TIAM1: variants seen among roughly 807,000 people sequenced by gnomAD.
The protein encoded by TIAM1 is rho guanine nucleotide exchange factor TIAM1.
A neutral mutation model predicts 163.5 loss-of-function variants in TIAM1; 65 were observed. The observed-to-expected ratio is 0.40, with a 90% CI of 0.33 to 0.49. TIAM1 has a LOEUF of 0.49. TIAM1 is among the 20% of genes least tolerant of loss of function. The probability of loss-of-function intolerance (pLI) is 0.77; values close to 1 mark genes in which losing one functional copy is unlikely to be tolerated. For missense variants in TIAM1, 1,789 were observed against 2,044.7 expected, an observed-to-expected ratio of 0.87 and a Z score of 2.41; for synonymous variants, 833 against 810.1, an observed-to-expected ratio of 1.03 and a Z score of -0.48.
chr21:31,262,374 A>G (rs1264949202), intron 4 of TIAM1, among the ~76,000 whole-genome samples: 1 of 152,216 alleles, frequency 6.6e-6, no homozygotes, highest in Non-Finnish European at 1.5e-5. Context: ...TTCAGGCCCA[A>G]AGACGAACTA....
chr21:31,346,320 AAAC>A (rs1338467862), upstream of TIAM1, among the ~76,000 whole-genome samples: 1 of 152,224 alleles, frequency 6.6e-6, no homozygotes, highest in Non-Finnish European at 1.5e-5. Context: ...GAAAAACATG[AAAC>A]AACACTTCTC....
chr21:31,356,645 A>G (rs1258743887), intron 2 of TIAM1, among the ~76,000 whole-genome samples: 2 of 152,228 alleles, frequency 1.3e-5, no homozygotes, highest in African/African-American at 2.4e-5. Context: ...GCCCCTCACT[A>G]AACACTCAAT....
chr21:31,467,005 G>C (rs1245557524), intron 1 of TIAM1, among the ~76,000 whole-genome samples: 1 of 151,180 alleles, frequency 6.6e-6, no homozygotes, highest in Non-Finnish European at 1.5e-5. Context: ...TAAAAGACTG[G>C]ATTTAAAAGC....
At chr21:31,438,244 T>A (rs1442523068) in intron 2 of TIAM1, among the ~76,000 whole-genome samples, 1 of 131,990 alleles carries the variant, frequency 7.6e-6, no homozygotes, top group African/African-American at 3.0e-5. Flanking sequence ...CAGACTGGAG[T>A]GCAGTGGCAT....
intron 2 of TIAM1, among the ~76,000 whole-genome samples, chr21:31,419,678 G>T (rs1286782435): frequency 6.6e-6 from 1 of 152,154 alleles, no homozygotes; most frequent in African/African-American, 2.4e-5. Flanking sequence ...TACACACAAA[G>T]AAGTTAATAC....
chr21:31,400,585 T>C (rs1410720608), intron 2 of TIAM1, among the ~76,000 whole-genome samples: 1 of 152,194 alleles, frequency 6.6e-6, no homozygotes, highest in Non-Finnish European at 1.5e-5. Flanking sequence ...TGGAATCCTC[T>C]CAACGACATG....
At chr21:31,165,374 A>G (rs976816534) in intron 15 of TIAM1, among the ~76,000 whole-genome samples, 1 of 152,122 alleles carries the variant, frequency 6.6e-6, no homozygotes, top group African/African-American at 2.4e-5. Context: ...TAGAAGAGGG[A>G]TGTTTGGGAA....
chr21:31,208,007 G>C (rs1342981405), intron 11 of TIAM1, among the ~76,000 whole-genome samples: 1 of 152,210 alleles, frequency 6.6e-6, no homozygotes, highest in Non-Finnish European at 1.5e-5. Flanking sequence ...TTTACTGTTG[G>C]AGAAAGGGAT....
At chr21:31,435,665 C>T (rs562696783) in intron 2 of TIAM1, among the ~76,000 whole-genome samples, 4 of 152,288 alleles carry the variant, frequency 2.6e-5, no homozygotes, top group Admixed American at 6.5e-5. Flanking sequence ...TTCTACACTG[C>T]CATCAAGATC....
chr21:31,241,082 G>A (rs2071149548), intron 6 of TIAM1, among the ~76,000 whole-genome samples: 1 of 152,066 alleles, frequency 6.6e-6, no homozygotes, highest in Non-Finnish European at 1.5e-5. Flanking sequence ...AGAAGACTTT[G>A]CTCCTCCTTT....
At chr21:31,124,333 G>C (rs557424641) in intron 27 of TIAM1, 189 bp downstream of exon 27, 1 of 651,254 alleles carries the variant, frequency 1.5e-6, no homozygotes, top group East Asian at 3.3e-5. Flanking sequence ...GTAGATACAG[G>C]GCGGATCCCC....
intron 4 of TIAM1, among the ~76,000 whole-genome samples, chr21:31,262,058 T>C (rs1360702036): frequency 1.3e-5 from 2 of 152,110 alleles, no homozygotes; most frequent in South Asian, 2.1e-4. Flanking sequence ...TCTCTCTCTC[T>C]CCAACTCACC....
chr21:31,187,439 C>G (rs2085355728), intron 13 of TIAM1, among the ~76,000 whole-genome samples: 1 of 152,116 alleles, frequency 6.6e-6, no homozygotes, highest in African/African-American at 2.4e-5. Context: ...CCTCAAAGTC[C>G]CCAGACGTTT....
At chr21:31,381,649 C>A (rs955352382) in intron 2 of TIAM1, among the ~76,000 whole-genome samples, 1 of 152,110 alleles carries the variant, frequency 6.6e-6, no homozygotes, top group Non-Finnish European at 1.5e-5. Flanking sequence ...GCCTGGGCAA[C>A]AGAGTGAGAC....
intron 2 of TIAM1, among the ~76,000 whole-genome samples, chr21:31,449,100 G>T (rs1260108553): frequency 1.3e-5 from 2 of 152,032 alleles, no homozygotes; most frequent in African/African-American, 4.8e-5. Context: ...GAGTAGCTGG[G>T]ACTACAGGCA....
At chr21:31,536,440 C>T (rs2048137121) in intron 1 of TIAM1, among the ~76,000 whole-genome samples, 1 of 152,178 alleles carries the variant, frequency 6.6e-6, no homozygotes, top group Non-Finnish European at 1.5e-5. Context: ...ACCCCGGATA[C>T]CCCAAAGGTC....
chr21:31,396,364 T>C (rs895656377), intron 2 of TIAM1, among the ~76,000 whole-genome samples: 21 of 151,926 alleles, frequency 1.4e-4, no homozygotes, highest in Non-Finnish European at 2.1e-4. Flanking sequence ...TTCTCTAGAT[T>C]TCCACGGGGT....
At chr21:31,498,926 A>G (rs2046756343) in intron 1 of TIAM1, among the ~76,000 whole-genome samples, 1 of 149,246 alleles carries the variant, frequency 6.7e-6, no homozygotes, top group Non-Finnish European at 1.5e-5. Context: ...AGCCTGGGCT[A>G]CAGAGCGAGA....
At chr21:31,132,958 C>T (rs1466011668) in intron 23 of TIAM1, among the ~76,000 whole-genome samples, 1 of 152,242 alleles carries the variant, frequency 6.6e-6, no homozygotes, top group African/African-American at 2.4e-5. Context: ...TCCTGTGAAA[C>T]ATCAAGGCGC....
Sources: allele counts gnomAD v4.1 joint callset (sites outside exome capture counted in the v4.1 genomes callset), GRCh38; gene constraint gnomAD v4.1.1; transcripts MANE v1.5; gene names NCBI Gene and HGNC (gene_info 2026-07-23, HGNC 2026-07-21).